STXBP5: variants seen among roughly 807,000 people sequenced by gnomAD.
STXBP5 encodes syntaxin binding protein 5, also known as syntaxin-binding protein 5.
Under a neutral mutation model 152.4 loss-of-function variants are expected in STXBP5, and 50 were observed. The observed-to-expected ratio is 0.33, with a 90% CI of 0.26 to 0.42. The LOEUF (loss-of-function observed/expected upper bound fraction) is 0.42. Ranked by LOEUF, STXBP5 falls within the 10% of genes least tolerant of loss-of-function variation. The pLI, the probability that STXBP5 is intolerant of heterozygous loss-of-function variation, is 1.00. For missense variants in STXBP5, 1,167 were observed against 1,388.6 expected (o/e 0.84, Z 2.54); for synonymous variants, 492 against 494.7 (o/e 0.99, Z 0.07).
rs957979900 is a variant in STXBP5, at chr6:147,360,921, A to G, written c.2545+1598A>G. Among the ~76,000 whole-genome samples, 3 of 152,158 alleles carry G rather than the reference A, an allele frequency of 2.0e-5. No individual in the cohort carries two copies. In the East Asian group the frequency reaches 5.8e-4, roughly 29 times the overall value. On this transcript the variant is annotated intron_variant, in intron 23 of 27. Coordinates refer to ENST00000321680, the MANE Select transcript of STXBP5 (RefSeq NM_001127715.4). ...GACTTTTACAGTTTTTGGAATTTAG[A>G]AGTTAAACTGCATTTATGATTATAT...
chr6:147,343,861 AT>A (rs1020985934), intron 21 of STXBP5, among the ~76,000 whole-genome samples: 7 of 152,304 alleles, frequency 4.6e-5, no homozygotes, highest in African/African-American at 1.7e-4. Context: ...TGGCTATTGA[AT>A]TTGTAGAATT....
chr6:147,204,418 C>A lies in STXBP5; in HGVS notation c.-115C>A. ...CCCCCCAGCTGCCTCCTTACCCTCA[C>A]ACTCCCACTCCTCCGTTTCCGCGGT... is the stretch of plus-strand genomic sequence containing the variant. On this transcript the variant is annotated 5_prime_UTR_variant, in exon 1 of 28. Transcript: ENST00000321680. The surrounding 1 kb of genome is among the most constrained non-coding windows in gnomAD (Gnocchi z 4.3). 1 of 932,804 alleles carries A rather than the reference C, an allele frequency of 1.1e-6. No individual in the cohort carries two copies. Among genetic ancestry groups the A allele is most frequent in the Non-Finnish European group, 1.6e-6 (1 of 613,954 alleles). 57.8% of individuals were successfully genotyped at this position (932,804 alleles called of 1,614,324 possible). A position where few individuals can be genotyped will look rare whatever the true frequency, so the allele number is the denominator to read the frequency against.
intron 25 of STXBP5, among the ~76,000 whole-genome samples, chr6:147,369,305 T>C (rs1026043688): frequency 6.6e-6 from 1 of 151,982 alleles, no homozygotes; most frequent in Non-Finnish European, 1.5e-5. Context: ...CTTCACACCA[T>C]ATACCAAAAT....
chr6:147,324,168 T>G (rs1783085424), intron 16 of STXBP5, among the ~76,000 whole-genome samples: 1 of 151,962 alleles, frequency 6.6e-6, no homozygotes, highest in African/African-American at 2.4e-5. Context: ...ACACACAAAT[T>G]GCTCATATTT....
intron 7 of STXBP5, among the ~76,000 whole-genome samples, chr6:147,274,270 A>T (rs1046877245): frequency 7.9e-5 from 12 of 152,092 alleles, no homozygotes; most frequent in Non-Finnish European, 1.5e-4. Context: ...TCATTCATTC[A>T]TTCTTCTTTA....
chr6:147,209,066 T>G (rs1378287235), intron 2 of STXBP5, among the ~76,000 whole-genome samples: 1 of 152,126 alleles, frequency 6.6e-6, no homozygotes, highest in Non-Finnish European at 1.5e-5. Context: ...ACTACTAAAA[T>G]TTCAAATTGC....
In STXBP5 at chr6:147,204,974, C is replaced by T. The variant is rs1246545249; in HGVS notation, c.150+292C>T. The stretch of plus-strand genomic sequence containing the variant: ...ACCTTTAATCGTATTCTGACACTGC[C>T]AGTAATAACCTGGAAGCTTTTATAT... On this transcript the variant is annotated intron_variant, in intron 1 of 27. Coordinates refer to ENST00000321680, the MANE Select transcript of STXBP5 (RefSeq NM_001127715.4). The surrounding 1 kb of genome is among the most constrained non-coding windows in gnomAD (Gnocchi z 4.3). Among the ~76,000 whole-genome samples the T allele has an allele frequency of 6.6e-6, 1 of 152,088 alleles. No individual in the cohort carries two copies.
chr6:147,322,483 T>A (rs1782984557), intron 16 of STXBP5, among the ~76,000 whole-genome samples: 1 of 152,244 alleles, frequency 6.6e-6, no homozygotes, highest in South Asian at 2.1e-4. Flanking sequence ...TCCTAGCATG[T>A]ATGTCATCAA....
intron 22 of STXBP5, among the ~76,000 whole-genome samples, chr6:147,358,549 A>G (rs1484694139): frequency 2.6e-5 from 4 of 152,180 alleles, no homozygotes; most frequent in African/African-American, 9.6e-5. Context: ...CCTTTAAACA[A>G]TGCAGGTGTT....
At chr6:147,283,515 A>G (rs961984455) in intron 8 of STXBP5, among the ~76,000 whole-genome samples, 1 of 152,188 alleles carries the variant, frequency 6.6e-6, no homozygotes, top group African/African-American at 2.4e-5. Context: ...GCAGGCAGGT[A>G]TTCTGAAACA....
chr6:147,268,883 T>C lies in STXBP5; in HGVS notation c.714+1716T>C, dbSNP rs78477794. 9.0e-3 allele frequency among the ~76,000 whole-genome samples: 1,370 copies of C among 152,290 alleles called. 8 individuals carry two copies. Among genetic ancestry groups the C allele is most frequent in the Non-Finnish European group, 0.015 (996 of 68,006 alleles). Reference sequence around the variant, plus strand: ...GAAACAAAGAAGGTAAACCCCTCAATTGCTTTAGCTAATGGCCTGAAGAGA... The same window carrying C: ...GAAACAAAGAAGGTAAACCCCTCAACTGCTTTAGCTAATGGCCTGAAGAGA... On this transcript the variant is annotated intron_variant, in intron 7 of 27. Transcript: ENST00000321680.
At chr6:147,240,560 TG>T (rs1276180961) in intron 4 of STXBP5, among the ~76,000 whole-genome samples, 1 of 152,178 alleles carries the variant, frequency 6.6e-6, no homozygotes, top group Non-Finnish European at 1.5e-5. Flanking sequence ...TTTTCTCAAG[TG>T]GCTACTTTTT....
intron 16 of STXBP5, among the ~76,000 whole-genome samples, chr6:147,317,025 T>G (rs74919175): frequency 0.033 from 5,094 of 152,260 alleles, 298 homozygotes; most frequent in East Asian, 0.27. Context: ...AAAAAGTACA[T>G]GAAGACTATG....
At chr6:147,244,178 G>T (rs1326284283) in intron 4 of STXBP5, among the ~76,000 whole-genome samples, 1 of 152,124 alleles carries the variant, frequency 6.6e-6, no homozygotes, top group Admixed American at 6.6e-5. Flanking sequence ...ATGTGCATAG[G>T]CTATATGCAA....
At chr6:147,225,184 A>G (rs901597183) in intron 2 of STXBP5, among the ~76,000 whole-genome samples, 3 of 152,102 alleles carry the variant, frequency 2.0e-5, no homozygotes, top group African/African-American at 7.2e-5. Flanking sequence ...TTTTCCCTTA[A>G]ATTTTTTCTT....
At chr6:147,343,098 G>A (rs963597704) in intron 21 of STXBP5, among the ~76,000 whole-genome samples, 2 of 152,002 alleles carry the variant, frequency 1.3e-5, no homozygotes, top group African/African-American at 4.8e-5. Context: ...GTGCTTTGCC[G>A]AAAACAAGTA....
chr6:147,384,612 A>T, intron 27 of STXBP5, 102 bp from the exon 28 acceptor site: 1 of 1,188,250 alleles, frequency 8.4e-7, no homozygotes, highest in Non-Finnish European at 1.2e-6. Context: ...ACTACAGAAT[A>T]TTGCAGAATG....
At chr6:147,246,867 G>A (rs756200608) in intron 4 of STXBP5, among the ~76,000 whole-genome samples, 7 of 152,138 alleles carry the variant, frequency 4.6e-5, no homozygotes, top group East Asian at 1.9e-4. Context: ...CCAGCACAGC[G>A]AGGGGAGATT....
intron 2 of STXBP5, among the ~76,000 whole-genome samples, chr6:147,206,900 C>G (rs1451394321): frequency 6.6e-6 from 1 of 151,670 alleles, no homozygotes; most frequent in East Asian, 1.9e-4. Flanking sequence ...TTGAAACATA[C>G]TTAACCTAAA....
Sources: gnomAD v4.1 joint callset for allele counts (sites outside exome capture counted in the v4.1 genomes callset) on GRCh38, gnomAD v4.1.1 for gene constraint, Gnocchi (gnomAD v3.1) non-coding constraint, MANE v1.5 for transcripts, NCBI Gene and HGNC (gene_info 2026-07-23, HGNC 2026-07-21) for gene names.